ECHDC1: variants seen among roughly 807,000 people sequenced by gnomAD.
ECHDC1 encodes the protein ethylmalonyl-CoA decarboxylase.
In ECHDC1, 29 loss-of-function variants were observed where a neutral mutation model predicts 29.7. The observed-to-expected ratio is 0.98, with a 90% CI of 0.73 to 1.33. The LOEUF is 1.33. ECHDC1 is among the 40% of genes most tolerant of loss of function. The pLI is 0.00. For synonymous variants in ECHDC1, 126 were observed against 123.1 expected (o/e 1.02, Z -0.15); for missense variants, 328 against 350.0 (o/e 0.94, Z 0.50).
chr6:127,290,548 AAGTG>A (rs1780075094), intron 5 of ECHDC1, among the ~76,000 whole-genome samples: 3 of 152,086 alleles, frequency 2.0e-5, no homozygotes, highest in Admixed American at 1.3e-4. Flanking sequence ...GATCTTTCTT[AAGTG>A]AGTGGTGACC....
intron 1 of ECHDC1, among the ~76,000 whole-genome samples, chr6:127,335,548 T>C (rs1423222818): frequency 6.6e-6 from 1 of 152,120 alleles, no homozygotes; most frequent in Non-Finnish European, 1.5e-5. Flanking sequence ...TGATAGGACC[T>C]GCTTTTAACT....
rs139389313 is a variant in ECHDC1 at position 127,309,549 on chromosome 6, A to T, written c.497+5267T>A. 2.0e-3 allele frequency among the ~76,000 whole-genome samples: 303 copies of T among 150,558 alleles called. 1 individual carries two copies. The highest frequency in any genetic ancestry group is 0.018 in the East Asian group (92 of 5,116). On this transcript the variant is annotated intron_variant, in intron 5 of 5. Transcript: ENST00000454859. ...CACACACACACACAGGAAAAAATAG[A>T]TTAAAGACAAATTTAAGACCTCAAA... is the stretch of plus-strand genomic sequence containing the variant.
chr6:127,324,762 C>A (rs1450480005), intron 3 of ECHDC1, among the ~76,000 whole-genome samples: 1 of 152,128 alleles, frequency 6.6e-6, no homozygotes, highest in African/African-American at 2.4e-5. Context: ...GGTCTTTGGG[C>A]TTCCAATGGC....
At chr6:127,309,377 G>C (rs1781692282) in intron 5 of ECHDC1, among the ~76,000 whole-genome samples, 1 of 151,658 alleles carries the variant, frequency 6.6e-6, no homozygotes, top group South Asian at 2.1e-4. Context: ...GGGAAAACTG[G>C]ATATTTATAT....
chr6:127,300,762 A>G (rs750953643), intron 5 of ECHDC1, among the ~76,000 whole-genome samples: 2 of 152,194 alleles, frequency 1.3e-5, no homozygotes, highest in Non-Finnish European at 1.5e-5. Context: ...GCCCACTGCA[A>G]CTGACACTTA....
At chr6:127,300,993 T>C (rs1351963087) in intron 5 of ECHDC1, among the ~76,000 whole-genome samples, 1 of 69,828 alleles carries the variant, frequency 1.4e-5, no homozygotes, top group Non-Finnish European at 3.4e-5. Context: ...TGAGAGGCTA[T>C]ATTACCACAT....
chr6:127,331,006 G>A lies in ECHDC1; in HGVS notation c.23C>T (p.Thr8Ile), dbSNP rs1345806614. 2 of 1,613,430 alleles carry A rather than the reference G, an allele frequency of 1.2e-6. No individual in the cohort carries two copies. Among genetic ancestry groups the A allele is most frequent in the Non-Finnish European group, 1.7e-6 (2 of 1,180,012 alleles). Residue 8 changes from threonine (T) to isoleucine (I), a missense_variant, in exon 2 of 6, where the codon ACA becomes ATA. Coordinates refer to ENST00000454859, the MANE Select transcript of ECHDC1 (RefSeq NM_001002030.2). ...TTTTGTCCTTCCAGACAGAGAGGCT[G>A]TCTTCAAAAGACTTTTCGCCATTTC... MAKSLLK[T>I]ASLSGRTKLL...
At chr6:127,316,256 T>A (rs953672244) in intron 4 of ECHDC1, 194 bp downstream of exon 4, 3 of 525,432 alleles carry the variant, frequency 5.7e-6, no homozygotes, top group Non-Finnish European at 1.0e-5. Flanking sequence ...CTCTTATTTT[T>A]AAAATACATA....
chr6:127,298,404 G>T (rs919162394), intron 5 of ECHDC1, among the ~76,000 whole-genome samples: 2 of 152,028 alleles, frequency 1.3e-5, no homozygotes, highest in Non-Finnish European at 2.9e-5. Context: ...AGTTTTGAGA[G>T]ATTTTTCTCT....
At chr6:127,337,078 T>C (rs1377572768) in intron 1 of ECHDC1, among the ~76,000 whole-genome samples, 1 of 152,118 alleles carries the variant, frequency 6.6e-6, no homozygotes, top group African/African-American at 2.4e-5. Flanking sequence ...TTTAACCCTG[T>C]ATATTGTGAC....
At chr6:127,331,110 G>T in intron 1 of ECHDC1, 80 bp from the exon 2 acceptor site, 9 of 985,086 alleles carry the variant, frequency 9.1e-6, no homozygotes, top group South Asian at 1.5e-5. Context: ...ATAGGCTGTA[G>T]TAATGGACCC....
In ECHDC1 at chr6:127,315,077, G is replaced by C. The variant is rs1782253394; in HGVS notation, c.417-181C>G. Reference sequence around the variant, plus strand: ...CCTTTACATCATGAGAAGAAAAACAGTGTAATACTAAACATACAATAGTTC... The same window carrying C: ...CCTTTACATCATGAGAAGAAAAACACTGTAATACTAAACATACAATAGTTC... On this transcript the variant is annotated intron_variant, in intron 4 of 5. Transcript: ENST00000454859. 4.3e-6 allele frequency: 3 copies of C among 704,404 alleles called. No homozygotes were observed. In the East Asian group the frequency reaches 8.2e-5, roughly 19 times the overall value. The allele number at this position is 704,404 out of a possible 1,614,324, so 43.6% of individuals were successfully genotyped here.
chr6:127,324,599 A>G (rs1783141066), intron 3 of ECHDC1, among the ~76,000 whole-genome samples: 1 of 152,178 alleles, frequency 6.6e-6, no homozygotes, highest in Non-Finnish European at 1.5e-5. Flanking sequence ...ATTTTCCATA[A>G]CCAGGACTCC....
chr6:127,342,352 T>G (rs1246810708), intron 1 of ECHDC1: 3 of 1,546,900 alleles, frequency 1.9e-6, no homozygotes, highest in Admixed American at 2.0e-5. Flanking sequence ...TCCTCACAAC[T>G]CACCCTGTTT....
At chr6:127,292,069 A>G (rs1780241118) in intron 5 of ECHDC1, among the ~76,000 whole-genome samples, 2 of 152,216 alleles carry the variant, frequency 1.3e-5, no homozygotes, top group African/African-American at 2.4e-5. Context: ...AATATTGTCA[A>G]TATTGAACCC....
intron 1 of ECHDC1, among the ~76,000 whole-genome samples, chr6:127,339,774 CAAAAA>C (rs10588955): frequency 1.5e-5 from 2 of 130,342 alleles, no homozygotes; most frequent in African/African-American, 2.9e-5. Flanking sequence ...GACTCTGTCT[CAAAAA>C]AAAAAAAAAA....
At chr6:127,293,302 G>A (rs1265026744) in intron 5 of ECHDC1, among the ~76,000 whole-genome samples, 1 of 152,116 alleles carries the variant, frequency 6.6e-6, no homozygotes, top group African/African-American at 2.4e-5. Context: ...TTGTAATGTT[G>A]ATTATTAAAG....
At chr6:127,290,342 TC>T (rs1780046868) in intron 5 of ECHDC1, 65 bp from the exon 6 acceptor site, 1 of 1,485,042 alleles carries the variant, frequency 6.7e-7, no homozygotes, top group Non-Finnish European at 9.1e-7. Context: ...TAAAGTACTA[TC>T]CATTCATGAT....
At chr6:127,292,581 T>C (rs1442193239) in intron 5 of ECHDC1, among the ~76,000 whole-genome samples, 1 of 151,980 alleles carries the variant, frequency 6.6e-6, no homozygotes, top group Admixed American at 6.6e-5. Context: ...ACAAGTAGTT[T>C]CCTCTAATAA....
Sources: allele counts gnomAD v4.1 joint callset (sites outside exome capture counted in the v4.1 genomes callset), GRCh38; gene constraint gnomAD v4.1.1; transcripts MANE v1.5; gene names NCBI Gene and HGNC (gene_info 2026-07-23, HGNC 2026-07-21).